Variants in GSTO2 observed in about 807,000 individuals in gnomAD.
GSTO2 encodes the protein glutathione S-transferase omega-2.
Under a neutral mutation model 28.4 loss-of-function variants are expected in GSTO2, and 23 were observed. The observed-to-expected ratio is 0.81, with a 90% CI of 0.58 to 1.15. The LOEUF (loss-of-function observed/expected upper bound fraction) is 1.15, where lower values mean the gene tolerates loss of function less well. Among genes scored for constraint, GSTO2 ranks in the 50% most tolerant of loss-of-function variants. The pLI, the probability that GSTO2 is intolerant of heterozygous loss-of-function variation, is 0.00. For synonymous variants in GSTO2, 109 were observed against 111.0 expected (o/e 0.98, Z 0.11); for missense variants, 298 against 297.8 (o/e 1.00, Z 0.00).
chr10:104,273,335 T>C (rs2011499127), intron 1 of GSTO2, among the ~76,000 whole-genome samples: 1 of 138,322 alleles, frequency 7.2e-6, no homozygotes, highest in South Asian at 2.2e-4. Context: ...TCAGAGAACA[T>C]TTATTCAAAC....
intron 1 of GSTO2, among the ~76,000 whole-genome samples, chr10:104,271,987 G>T (rs756607520): frequency 9.2e-5 from 14 of 152,106 alleles, no homozygotes; most frequent in Admixed American, 2.0e-4. Flanking sequence ...GGTTGAAAAA[G>T]AAAAACCAGT....
At chr10:104,291,323 A>G (rs2012754416) in intron 5 of GSTO2, 1 of 152,180 alleles carries the variant, frequency 6.6e-6, no homozygotes, top group African/African-American at 2.4e-5. Context: ...TTTCTTGGCA[A>G]TGGTGTAGAG....
chr10:104,279,537 G>T, intron 5 of GSTO2, 66 bp downstream of exon 5: 1 of 1,060,870 alleles, frequency 9.4e-7, no homozygotes, highest in Non-Finnish European at 1.5e-6. Context: ...CGCTAACCTG[G>T]TCACTCTAAC....
In GSTO2 at chr10:104,299,196, CTCTTCTCATGGATAAGAGCAT is replaced by C. The variant is rs769323864; in HGVS notation, c.646_666del (p.Leu216_Ile222del). 1 of 1,614,226 alleles carries C rather than the reference CTCTTCTCATGGATAAGAGCAT, an allele frequency of 6.2e-7. No homozygotes were observed. Among genetic ancestry groups the C allele is most frequent in the Non-Finnish European group, 8.5e-7 (1 of 1,180,040 alleles). The stretch of plus-strand genomic sequence containing the variant: ...ATGAAGTGGGACCCCACAGTCTGTG[CTCTTCTCATGGATAAGAGCAT>C]TTTCCAGGGCTTCTTGAATCTCTAT... On this transcript the variant is annotated inframe_deletion, in exon 7 of 7. Transcript: ENST00000338595.
At chr10:104,292,233 G>A (rs2012810031) in intron 5 of GSTO2, among the ~76,000 whole-genome samples, 1 of 151,298 alleles carries the variant, frequency 6.6e-6, no homozygotes, top group Non-Finnish European at 1.5e-5. Flanking sequence ...TTGAGAGGGG[G>A]TCTTGCTGTG....
In GSTO2 at chr10:104,275,245, A is replaced by G; in HGVS notation, c.54A>G (p.Pro18=). 6.2e-7 allele frequency: 1 copy of G among 1,613,762 alleles called. No individual in the cohort carries two copies. Among genetic ancestry groups the G allele is most frequent in the East Asian group, 2.2e-5 (1 of 44,838 alleles). Residue 18 remains proline, a synonymous_variant, in exon 3 of 7, where the codon CCA becomes CCG. Transcript: ENST00000338595. ...TLGKGSQPPG[P]VPEGLIRIYS... ...CTGCAGGAAGCCAGCCCCCAGGGCC[A>G]GTCCCGGAGGGGCTGATCCGCATCT...
At chr10:104,290,308 C>T (rs376249917) in intron 5 of GSTO2, among the ~76,000 whole-genome samples, 2 of 152,100 alleles carry the variant, frequency 1.3e-5, no homozygotes, top group African/African-American at 4.8e-5. Flanking sequence ...GAGTTCGAGA[C>T]CAGCCTGGCC....
chr10:104,298,829 AAT>A (rs1044380732), intron 6 of GSTO2, among the ~76,000 whole-genome samples: 1 of 152,080 alleles, frequency 6.6e-6, no homozygotes, highest in African/African-American at 2.4e-5. Flanking sequence ...CAAGCTTTAG[AAT>A]ATATATATAT....
chr10:104,272,774 C>T (rs747203105), intron 1 of GSTO2, among the ~76,000 whole-genome samples: 2 of 151,682 alleles, frequency 1.3e-5, no homozygotes, highest in Non-Finnish European at 1.5e-5. Context: ...CCACCGCGCC[C>T]GGCTAATTTT....
intron 5 of GSTO2, among the ~76,000 whole-genome samples, chr10:104,292,295 C>G (rs780666797): frequency 6.6e-6 from 1 of 150,902 alleles, no homozygotes; most frequent in African/African-American, 2.4e-5. Context: ...ACTACAGCCT[C>G]GAACTCCTGG....
intron 5 of GSTO2, among the ~76,000 whole-genome samples, chr10:104,280,069 G>T (rs1463228186): frequency 6.6e-6 from 1 of 151,120 alleles, no homozygotes; most frequent in Non-Finnish European, 1.5e-5. Flanking sequence ...AGGAGGCTGA[G>T]GCAGGAGGAT....
chr10:104,287,928 C>G (rs1009391707), intron 5 of GSTO2, among the ~76,000 whole-genome samples: 2 of 146,178 alleles, frequency 1.4e-5, no homozygotes, highest in African/African-American at 5.1e-5. Flanking sequence ...CGCTCTGTCG[C>G]CCAGGCTGGA....
intron 1 of GSTO2, among the ~76,000 whole-genome samples, chr10:104,270,761 G>A (rs1427910805): frequency 1.5e-5 from 2 of 132,440 alleles, no homozygotes; most frequent in African/African-American, 8.7e-5. Flanking sequence ...ATGTACTCCA[G>A]TCCAGTTTCT....
rs762658135 is a variant in GSTO2 at position 104,278,055 on chromosome 10, T to C, written c.305T>C (p.Leu102Pro). 1 of 1,614,206 alleles carries C rather than the reference T, an allele frequency of 6.2e-7. No individual in the cohort carries two copies. The highest frequency in any genetic ancestry group is 8.5e-7 in the Non-Finnish European group (1 of 1,180,036). The change falls in exon 4 of 7, where the codon CTG (leucine) becomes CCG (proline). Residue 102 changes from leucine (L) to proline (P), a missense_variant. Coordinates refer to ENST00000338595, the MANE Select transcript of GSTO2 (RefSeq NM_183239.2). ...GATGATGCTTATCCAGGAAGGAAGC[T>C]GTTTCCATATGACCCTTATGAACGA... ...YLDDAYPGRK[L>P]FPYDPYERAR...
intron 4 of GSTO2, among the ~76,000 whole-genome samples, chr10:104,278,402 G>A (rs189314884): frequency 1.5e-4 from 23 of 152,372 alleles, no homozygotes; most frequent in Admixed American, 1.4e-3. Context: ...CTGAAAACTG[G>A]TGATCCTTAA....
intron 5 of GSTO2, among the ~76,000 whole-genome samples, chr10:104,293,733 C>T (rs2012895142): frequency 6.6e-6 from 1 of 151,728 alleles, no homozygotes; most frequent in South Asian, 2.1e-4. Context: ...CCACCACGTC[C>T]AGCTAATTTT....
Position 104,273,662 on chromosome 10 carries a change from A to T in GSTO2, c.-231-1023A>T, listed in dbSNP as rs1012502725. Among the ~76,000 whole-genome samples the T allele has an allele frequency of 2.0e-5, 3 of 152,242 alleles. No individual in the cohort carries two copies. The East Asian group carries it at 5.8e-4, about 29-fold the overall frequency. ...CATTACGTGCTATATCTTTTCCTGG[A>T]CTTAAAATCCTTTCCTCCTAACACT... On this transcript the variant is annotated intron_variant, in intron 1 of 6. Transcript: ENST00000338595.
chr10:104,284,053 T>C (rs1008973826), intron 5 of GSTO2, among the ~76,000 whole-genome samples: 1 of 151,852 alleles, frequency 6.6e-6, no homozygotes, highest in African/African-American at 2.4e-5. Flanking sequence ...TTTTGTTTGC[T>C]TGTTAGTTTT....
chr10:104,282,307 C>T (rs1350854642), intron 5 of GSTO2, among the ~76,000 whole-genome samples: 2 of 151,236 alleles, frequency 1.3e-5, no homozygotes, highest in African/African-American at 4.9e-5. Context: ...AATCCCAGCA[C>T]TTTGAGAAGC....
Sources: allele counts gnomAD v4.1 joint callset (sites outside exome capture counted in the v4.1 genomes callset), GRCh38; gene constraint gnomAD v4.1.1; transcripts MANE v1.5; gene names NCBI Gene and HGNC (gene_info 2026-07-23, HGNC 2026-07-21).